ZNF536: variants seen among roughly 807,000 people sequenced by gnomAD.
ZNF536 encodes zinc finger protein 536.
A neutral mutation model predicts 84.5 loss-of-function variants in ZNF536; 13 were observed. The observed-to-expected ratio is 0.15, with a 90% CI of 0.10 to 0.24. The LOEUF (loss-of-function observed/expected upper bound fraction) is 0.24. ZNF536 is among the 10% of genes least tolerant of loss of function. The pLI is 1.00. For missense variants in ZNF536, 1,536 were observed against 1,747.5 expected (o/e 0.88, Z 2.16); for synonymous variants, 811 against 742.5 (o/e 1.09, Z -1.50).
intron 1 of ZNF536, among the ~76,000 whole-genome samples, chr19:30,422,191 T>G (rs1433071): frequency 0.54 from 82,529 of 151,750 alleles, 23,478 homozygotes; most frequent in East Asian, 0.78. Context: ...ACACGTGAGG[T>G]GACCCTTAGC....
chr19:30,229,554 A>T (rs1257254069), intron 1 of ZNF536, among the ~76,000 whole-genome samples: 3 of 150,928 alleles, frequency 2.0e-5, no homozygotes, highest in Non-Finnish European at 4.4e-5. Flanking sequence ...CACCACCCTG[A>T]AAGCTGCTGC....
chr19:30,325,473 C>T (rs544590691), intron 2 of ZNF536, among the ~76,000 whole-genome samples: 13 of 152,254 alleles, frequency 8.5e-5, no homozygotes, highest in Admixed American at 6.5e-4. Flanking sequence ...ATGGGGTGCT[C>T]ACATGTGTTT....
intron 2 of ZNF536, among the ~76,000 whole-genome samples, chr19:30,330,747 C>A (rs1333293143): frequency 6.6e-6 from 1 of 152,138 alleles, no homozygotes. Context: ...AGCAGGTGGC[C>A]AGGGAACTTC....
intron 2 of ZNF536, among the ~76,000 whole-genome samples, chr19:30,352,216 A>C (rs2047953760): frequency 6.6e-6 from 1 of 152,240 alleles, no homozygotes; most frequent in South Asian, 2.1e-4. Context: ...GTGGCCTTGC[A>C]TGGGGATAGA....
intron 2 of ZNF536, among the ~76,000 whole-genome samples, chr19:30,451,594 T>C (rs2052610545): frequency 6.6e-6 from 1 of 152,186 alleles, no homozygotes; most frequent in Non-Finnish European, 1.5e-5. Context: ...ACATCAGAGA[T>C]GTGTGGCATA....
chr19:30,593,736 A>G (rs1349342654), intron 1 of ZNF536, among the ~76,000 whole-genome samples: 1 of 152,206 alleles, frequency 6.6e-6, no homozygotes, highest in Non-Finnish European at 1.5e-5. Flanking sequence ...AAAAGCTATC[A>G]GGACAAGGGC....
intron 2 of ZNF536, among the ~76,000 whole-genome samples, chr19:30,468,376 G>A (rs571435639): frequency 7.2e-4 from 109 of 152,288 alleles, no homozygotes; most frequent in African/African-American, 2.5e-3. Flanking sequence ...CAGCTCGAAC[G>A]CCAAGCTTCG....
intron 1 of ZNF536, among the ~76,000 whole-genome samples, chr19:30,415,983 T>C (rs897719594): frequency 1.3e-5 from 2 of 152,226 alleles, no homozygotes; most frequent in South Asian, 2.1e-4. Flanking sequence ...TTAGACACTT[T>C]GGATTGTATC....
intron 1 of ZNF536, among the ~76,000 whole-genome samples, chr19:30,399,687 T>TTG (rs1393503581): frequency 6.7e-6 from 1 of 150,088 alleles, no homozygotes; most frequent in Non-Finnish European, 1.5e-5. Flanking sequence ...ATGTTTTTTT[T>TTG]TTTTTTTTTT....
intron 1 of ZNF536, among the ~76,000 whole-genome samples, chr19:30,400,442 T>A (rs181581843): frequency 2.2e-4 from 33 of 152,360 alleles, no homozygotes; most frequent in Non-Finnish European, 2.8e-4. Flanking sequence ...TATGTAGTGT[T>A]ATGTTCCTGA....
intron 1 of ZNF536, among the ~76,000 whole-genome samples, chr19:30,694,580 AGATCTT>A (rs1305382389): frequency 6.6e-6 from 1 of 152,258 alleles, no homozygotes; most frequent in African/African-American, 2.4e-5. Flanking sequence ...GCCTCCAGGA[AGATCTT>A]GCCAGACCTC....
chr19:30,486,257 C>T (rs1222106828), intron 2 of ZNF536, among the ~76,000 whole-genome samples: 1 of 152,158 alleles, frequency 6.6e-6, no homozygotes, highest in African/African-American at 2.4e-5. Context: ...CCCTCCCAAC[C>T]TCCCCGCTGA....
rs549637193 is a variant in ZNF536, at chr19:30,379,042, G to A, written c.-3+6486G>A. Among the ~76,000 whole-genome samples the A allele has an allele frequency of 8.9e-4, 136 of 152,310 alleles. 1 individual carries two copies. Among genetic ancestry groups the A allele is most frequent in the African/African-American group, 3.0e-3 (126 of 41,560 alleles). Reference sequence around the variant, plus strand: ...TCCAATGCTTTGGTCCTGAAGATGGGCAGTTGGAAATAACACATGTGCCGT... The same window carrying A: ...TCCAATGCTTTGGTCCTGAAGATGGACAGTTGGAAATAACACATGTGCCGT... On this transcript the variant is annotated intron_variant, in intron 1 of 4. Coordinates refer to ENST00000355537, the MANE Select transcript of ZNF536 (RefSeq NM_014717.3).
At chr19:30,542,143 AC>A (rs1191561790) in intron 3 of ZNF536, among the ~76,000 whole-genome samples, 1 of 152,244 alleles carries the variant, frequency 6.6e-6, no homozygotes, top group Non-Finnish European at 1.5e-5. Flanking sequence ...AGCATGAATC[AC>A]ATCTTAAACC....
intron 2 of ZNF536, among the ~76,000 whole-genome samples, chr19:30,503,913 T>TTC (rs1266665777): frequency 1.3e-5 from 2 of 148,412 alleles, no homozygotes; most frequent in Non-Finnish European, 3.0e-5. Context: ...TCTTTCTTTC[T>TTC]TCTCTCTCTT....
At chr19:30,544,316 G>T (rs1189001648) in intron 3 of ZNF536, among the ~76,000 whole-genome samples, 1 of 152,182 alleles carries the variant, frequency 6.6e-6, no homozygotes, top group Non-Finnish European at 1.5e-5. Flanking sequence ...CTAGAACCTT[G>T]CATAGCACGT....
intron 1 of ZNF536, among the ~76,000 whole-genome samples, chr19:30,597,065 T>C (rs995826392): frequency 6.6e-6 from 1 of 152,176 alleles, no homozygotes; most frequent in Non-Finnish European, 1.5e-5. Context: ...AATTGTTACT[T>C]AATCCCTTAA....
chr19:30,693,674 G>A (rs1301110630), intron 1 of ZNF536, among the ~76,000 whole-genome samples: 2 of 152,090 alleles, frequency 1.3e-5, no homozygotes, highest in African/African-American at 2.4e-5. Flanking sequence ...CAGGATGAGG[G>A]CTGAGCATTG....
At chr19:30,329,280 G>A (rs904992808) in intron 2 of ZNF536, among the ~76,000 whole-genome samples, 2 of 152,162 alleles carry the variant, frequency 1.3e-5, no homozygotes, top group Non-Finnish European at 2.9e-5. Flanking sequence ...TGCTTCGTAG[G>A]AATGCGGTCC....
Sources: allele counts gnomAD v4.1 joint callset (sites outside exome capture counted in the v4.1 genomes callset), GRCh38; gene constraint gnomAD v4.1.1; transcripts MANE v1.5; gene names NCBI Gene and HGNC (gene_info 2026-07-23, HGNC 2026-07-21).